The following RORA variants were observed in gnomAD, a reference collection of about 807,000 sequenced individuals.
RORA encodes nuclear receptor ROR-alpha.
RORA carries 7 observed loss-of-function variants against 69.5 expected under a neutral mutation model. That is an observed-to-expected ratio of 0.10 (90% CI 0.06 to 0.19). The LOEUF (loss-of-function observed/expected upper bound fraction) is 0.19. Ranked by LOEUF, RORA falls within the 10% of genes least tolerant of loss-of-function variation. RORA has a pLI of 1.00. For synonymous variants in RORA, 261 were observed against 240.8 expected (o/e 1.08, Z -0.78); for missense variants, 457 against 663.0 (o/e 0.69, Z 3.41).
chr15:61,124,278 C>G (rs1390444487), intron 1 of RORA, among the ~76,000 whole-genome samples: 5 of 152,336 alleles, frequency 3.3e-5, no homozygotes, highest in African/African-American at 1.2e-4. Context: ...CTAGTGGGTA[C>G]AGCTTATAAT....
chr15:60,999,193 T>C (rs1381176009), intron 1 of RORA, among the ~76,000 whole-genome samples: 1 of 152,182 alleles, frequency 6.6e-6, no homozygotes, highest in Admixed American at 6.6e-5. Flanking sequence ...ACAATTAAAA[T>C]TGAGGAAGAG....
chr15:60,786,637 C>T (rs16943117), intron 1 of RORA, among the ~76,000 whole-genome samples: 31,683 of 152,154 alleles, frequency 0.21, 3,356 homozygotes, highest in South Asian at 0.28. Context: ...TGAGCAGCTT[C>T]GTGATGCACA....
chr15:60,522,574 G>A (rs1046993557), intron 3 of RORA, among the ~76,000 whole-genome samples: 3 of 152,088 alleles, frequency 2.0e-5, no homozygotes, highest in African/African-American at 7.2e-5. Flanking sequence ...AGGTGTTCGA[G>A]ACCAGCCTGG....
intron 2 of RORA, among the ~76,000 whole-genome samples, chr15:60,553,351 T>C (rs748333450): frequency 1.3e-5 from 2 of 152,178 alleles, no homozygotes; most frequent in Admixed American, 6.5e-5. Context: ...CTGTGATTGA[T>C]TGTGACATGT....
chr15:60,758,510 C>T (rs1040240534), intron 1 of RORA, among the ~76,000 whole-genome samples: 17 of 152,118 alleles, frequency 1.1e-4, no homozygotes, highest in Non-Finnish European at 2.9e-5. Flanking sequence ...GTCCATTTGC[C>T]ACAACTTGTT....
rs1274169569 is a variant in RORA, at chr15:60,975,784, C to T, written c.166+253269G>A. ...GAAACGGGAGACCCCTAACAGAGTTCCCTGATTCTTACATGCTTGACATGT... is the reference window on the plus strand; with the variant it reads ...GAAACGGGAGACCCCTAACAGAGTTTCCTGATTCTTACATGCTTGACATGT... On this transcript the variant is annotated intron_variant, in intron 1 of 10. Coordinates refer to ENST00000335670, the MANE Select transcript of RORA (RefSeq NM_134261.3). 3.3e-5 allele frequency among the ~76,000 whole-genome samples: 5 copies of T among 152,336 alleles called. No homozygotes were observed. In the South Asian group the frequency reaches 6.2e-4, roughly 19 times the overall value.
intron 2 of RORA, among the ~76,000 whole-genome samples, chr15:60,547,107 A>G (rs1051253465): frequency 3.3e-5 from 5 of 152,134 alleles, no homozygotes; most frequent in African/African-American, 1.2e-4. Context: ...TGTTGTCTTC[A>G]TTGTCATCCA....
chr15:60,959,654 T>C (rs979876796), intron 1 of RORA, among the ~76,000 whole-genome samples: 3 of 152,310 alleles, frequency 2.0e-5, no homozygotes, highest in East Asian at 3.9e-4. Flanking sequence ...GCAGACATAT[T>C]AGTGTCCTTC....
In RORA at chr15:61,011,082, G is replaced by A. The variant is rs117111059; in HGVS notation, c.166+217971C>T. ...CAAAGGTCATTTAAGCAAAGGCAGA[G>A]GTAGGAACTGAACCCATATCTTCTG... On this transcript the variant is annotated intron_variant, in intron 1 of 10. Coordinates refer to ENST00000335670, the MANE Select transcript of RORA (RefSeq NM_134261.3). Among the ~76,000 whole-genome samples the A allele has an allele frequency of 3.2e-4, 48 of 152,312 alleles. No individual in the cohort carries two copies. The East Asian group carries it at 7.5e-3, about 24-fold the overall frequency.
At chr15:61,207,256 G>A (rs1328133294) in intron 1 of RORA, among the ~76,000 whole-genome samples, 1 of 152,098 alleles carries the variant, frequency 6.6e-6, no homozygotes, top group Non-Finnish European at 1.5e-5. Context: ...AGATGAGAAA[G>A]GCAAATGGAA....
chr15:60,530,032 A>T (rs2066482237), intron 3 of RORA: 2 of 152,322 alleles, frequency 1.3e-5, no homozygotes, highest in Non-Finnish European at 2.9e-5. Context: ...ATGCACAAAA[A>T]GCACTGGAAC....
chr15:60,659,100 AAT>A (rs1286076261), intron 2 of RORA, among the ~76,000 whole-genome samples: 1 of 152,238 alleles, frequency 6.6e-6, no homozygotes, highest in Non-Finnish European at 1.5e-5. Flanking sequence ...ACAACTTGGA[AAT>A]CATGTTCAAT....
At position 60,601,770 on chromosome 15, in the gene RORA, T is replaced by C. The variant is rs116615406; in HGVS notation, c.197-69919A>G. Among the ~76,000 whole-genome samples the C allele has an allele frequency of 3.0e-3, 450 of 152,314 alleles. 3 individuals carry two copies. Among genetic ancestry groups the C allele is most frequent in the African/African-American group, 0.01 (433 of 41,580 alleles). On this transcript the variant is annotated intron_variant, in intron 2 of 10. Coordinates refer to ENST00000335670, the MANE Select transcript of RORA (RefSeq NM_134261.3). ...TAATCTTAAGCAGAGCCATTTATTT[T>C]CAATGTACTTTGAGTAAACTGTTAT...
At chr15:60,766,156 T>C (rs567803925) in intron 1 of RORA, among the ~76,000 whole-genome samples, 255 of 152,252 alleles carry the variant, frequency 1.7e-3, no homozygotes, top group Middle Eastern at 3.4e-3. Context: ...TGGACTGTTG[T>C]TGAAAATAGT....
At chr15:60,548,433 T>G (rs2067136722) in intron 2 of RORA, among the ~76,000 whole-genome samples, 1 of 152,036 alleles carries the variant, frequency 6.6e-6, no homozygotes, top group African/African-American at 2.4e-5. Flanking sequence ...CAAAAGAGAC[T>G]CTTAAGGCAA....
Position 61,061,396 on chromosome 15 carries a change from A to AATAAATAAATACATACATAC in RORA, c.166+167656_166+167657insGTATGTATGTATTTATTTAT, listed in dbSNP as rs555915393. On this transcript the variant is annotated intron_variant, in intron 1 of 10. Transcript: ENST00000335670. This position sits in a 1 kb window ranked among gnomAD's most constrained non-coding sequence, Gnocchi z 4.4. Reference sequence around the variant, plus strand: ...AAATAAATAAATAAATAAATAAATAAATACAAGGGCATCGCAGGAAGTCCT... The same window carrying AATAAATAAATACATACATAC: ...AAATAAATAAATAAATAAATAAATAAATAAATAAATACATACATACATACAAGGGCATCGCAGGAAGTCCT... Among the ~76,000 whole-genome samples the AATAAATAAATACATACATAC allele has an allele frequency of 4.0e-5, 6 of 150,050 alleles. No individual in the cohort carries two copies. Among genetic ancestry groups the AATAAATAAATACATACATAC allele is most frequent in the African/African-American group, 1.5e-4 (6 of 40,610 alleles).
intron 1 of RORA, among the ~76,000 whole-genome samples, chr15:60,941,025 A>G (rs1341356177): frequency 6.6e-6 from 1 of 152,268 alleles, no homozygotes; most frequent in Non-Finnish European, 1.5e-5. Context: ...CCTATGTGAT[A>G]GCAGACCTGC....
At chr15:60,882,670 C>A (rs949087017) in intron 1 of RORA, among the ~76,000 whole-genome samples, 123 of 146,040 alleles carry the variant, frequency 8.4e-4, no homozygotes, top group Non-Finnish European at 1.6e-3. Flanking sequence ...CACACACACA[C>A]AAACACACAC....
intron 1 of RORA, among the ~76,000 whole-genome samples, chr15:60,717,490 T>C (rs541785522): frequency 7.2e-5 from 11 of 152,332 alleles, no homozygotes; most frequent in African/African-American, 2.4e-4. Flanking sequence ...CTATAGCATG[T>C]AATAAAAGTC....
Sources: allele counts gnomAD v4.1 joint callset (sites outside exome capture counted in the v4.1 genomes callset), GRCh38; gene constraint gnomAD v4.1.1; non-coding constraint Gnocchi (gnomAD v3.1); transcripts MANE v1.5; gene names NCBI Gene and HGNC (gene_info 2026-07-23, HGNC 2026-07-21).